The following CCDC170 variants were observed in gnomAD, a reference collection of about 807,000 sequenced individuals.
The protein encoded by CCDC170 is coiled-coil domain containing 170.
CCDC170 carries 69 observed loss-of-function variants against 72.6 expected under a neutral mutation model. The observed-to-expected ratio is 0.95, with a 90% CI of 0.78 to 1.16. The LOEUF (loss-of-function observed/expected upper bound fraction) is 1.16. Among genes scored for constraint, CCDC170 ranks in the 50% most tolerant of loss-of-function variants. The probability of loss-of-function intolerance (pLI) is 0.00; values close to 1 mark genes in which losing one functional copy is unlikely to be tolerated. For missense variants in CCDC170, 852 were observed against 832.5 expected (o/e 1.02, Z -0.29); for synonymous variants, 300 against 303.9 (o/e 0.99, Z 0.13).
chr6:151,529,549 C>T (rs970095961), intron 1 of CCDC170, among the ~76,000 whole-genome samples: 3 of 151,786 alleles, frequency 2.0e-5, no homozygotes, highest in African/African-American at 7.3e-5. Flanking sequence ...CTCAGCTACT[C>T]GGGAGGCTGA....
At chr6:151,547,755 A>C (rs1782800159) in intron 4 of CCDC170, among the ~76,000 whole-genome samples, 1 of 152,152 alleles carries the variant, frequency 6.6e-6, no homozygotes, top group Non-Finnish European at 1.5e-5. Flanking sequence ...AAATCTTATA[A>C]ATGCTCCCAG....
chr6:151,515,938 T>A lies in CCDC170; in HGVS notation c.58-20380T>A, dbSNP rs1345871929. Among the ~76,000 whole-genome samples the A allele has an allele frequency of 6.6e-5, 10 of 152,078 alleles. No individual in the cohort carries two copies. The South Asian group carries it at 2.1e-3, about 32-fold the overall frequency. ...AAAATTAGCTGGGTGTGGTGGCACA[T>A]GCCTGTAGTCCCAGCTACTCGGGAG... On this transcript the variant is annotated intron_variant, in intron 1 of 10. Coordinates refer to ENST00000239374, the MANE Select transcript of CCDC170 (RefSeq NM_025059.4).
chr6:151,519,078 C>T (rs115409654), intron 1 of CCDC170, among the ~76,000 whole-genome samples: 264 of 152,262 alleles, frequency 1.7e-3, no homozygotes, highest in African/African-American at 6.0e-3. Context: ...AGCAGAGAAT[C>T]GGTCTGACCT....
chr6:151,507,595 T>G (rs976225095), intron 1 of CCDC170, among the ~76,000 whole-genome samples: 2 of 152,088 alleles, frequency 1.3e-5, no homozygotes, highest in Non-Finnish European at 2.9e-5. Context: ...TGTAGGGAGA[T>G]GAAACTGTGT....
At chr6:151,599,265 G>A (rs1562295955) in intron 9 of CCDC170, among the ~76,000 whole-genome samples, 1 of 152,290 alleles carries the variant, frequency 6.6e-6, no homozygotes, top group East Asian at 1.9e-4. Flanking sequence ...ACAAGGATAT[G>A]GCAAAATCAG....
chr6:151,541,806 G>A (rs1194703125), intron 3 of CCDC170, among the ~76,000 whole-genome samples: 2 of 145,314 alleles, frequency 1.4e-5, no homozygotes, highest in Non-Finnish European at 3.0e-5. Context: ...TGAATCATAT[G>A]TTCTAAATAT....
At chr6:151,522,235 A>G (rs996697265) in intron 1 of CCDC170, among the ~76,000 whole-genome samples, 3 of 152,212 alleles carry the variant, frequency 2.0e-5, no homozygotes, top group Admixed American at 2.0e-4. Context: ...AAGATTAACA[A>G]TCCTTTATTG....
chr6:151,527,050 A>AC (rs373244644), intron 1 of CCDC170, among the ~76,000 whole-genome samples: 1 of 69,682 alleles, frequency 1.4e-5, no homozygotes, highest in Non-Finnish European at 2.7e-5. Context: ...ATGCTTAGCT[A>AC]TTTTTTTTTT....
chr6:151,570,539 T>C (rs553485111), intron 5 of CCDC170, among the ~76,000 whole-genome samples: 85 of 152,364 alleles, frequency 5.6e-4, no homozygotes, highest in African/African-American at 1.9e-3. Context: ...CTAGAGATGA[T>C]TTAAAGTATA....
intron 5 of CCDC170, among the ~76,000 whole-genome samples, chr6:151,549,080 T>C (rs1424857733): frequency 6.6e-6 from 1 of 152,074 alleles, no homozygotes; most frequent in Non-Finnish European, 1.5e-5. Flanking sequence ...TGTTTTTTTG[T>C]ATTTTTAGTA....
At chr6:151,523,856 G>T (rs1782362164) in intron 1 of CCDC170, among the ~76,000 whole-genome samples, 1 of 152,200 alleles carries the variant, frequency 6.6e-6, no homozygotes, top group Non-Finnish European at 1.5e-5. Flanking sequence ...CTGTGTTACA[G>T]ACTGGCCAAT....
chr6:151,601,624 A>T (rs1430519002), intron 9 of CCDC170, among the ~76,000 whole-genome samples: 1 of 152,112 alleles, frequency 6.6e-6, no homozygotes, highest in African/African-American at 2.4e-5. Context: ...ATATAGAGAG[A>T]TTTATTTTAA....
At chr6:151,591,166 G>A (rs1018757737) in intron 7 of CCDC170, among the ~76,000 whole-genome samples, 2 of 152,174 alleles carry the variant, frequency 1.3e-5, no homozygotes, top group Non-Finnish European at 2.9e-5. Flanking sequence ...TTAATCTGGT[G>A]TGCTTCAGTT....
intron 7 of CCDC170, among the ~76,000 whole-genome samples, chr6:151,589,855 C>T (rs910900752): frequency 1.3e-5 from 2 of 152,172 alleles, no homozygotes; most frequent in African/African-American, 4.8e-5. Context: ...TCTTCCCTCT[C>T]CCCTGCAATT....
intron 9 of CCDC170, 147 bp from the exon 10 acceptor site, chr6:151,615,296 C>T: frequency 1.5e-6 from 1 of 689,170 alleles, no homozygotes; most frequent in Non-Finnish European, 2.6e-6. Context: ...ATATGCTTAG[C>T]AAAATCTCTA....
At chr6:151,579,016 C>T (rs548105781) in intron 6 of CCDC170, among the ~76,000 whole-genome samples, 2 of 152,096 alleles carry the variant, frequency 1.3e-5, no homozygotes, top group African/African-American at 4.8e-5. Context: ...TATTCTTTAA[C>T]TATATTGTGC....
At chr6:151,605,582 A>G (rs1348076951) in intron 9 of CCDC170, among the ~76,000 whole-genome samples, 1 of 152,206 alleles carries the variant, frequency 6.6e-6, no homozygotes, top group Non-Finnish European at 1.5e-5. Context: ...TCCTCTTACC[A>G]GGGAACTTAA....
chr6:151,498,725 T>C (rs1014784822), intron 1 of CCDC170, among the ~76,000 whole-genome samples: 1 of 152,040 alleles, frequency 6.6e-6, no homozygotes, highest in Non-Finnish European at 1.5e-5. Flanking sequence ...CTAGGCACGG[T>C]GTATAAGTGG....
chr6:151,535,295 A>G (rs1782557716), intron 1 of CCDC170, among the ~76,000 whole-genome samples: 1 of 152,160 alleles, frequency 6.6e-6, no homozygotes, highest in South Asian at 2.1e-4. Context: ...CAGGCTGGAA[A>G]TCCTTATTTC....
Sources: gnomAD v4.1 joint callset for allele counts (sites outside exome capture counted in the v4.1 genomes callset) on GRCh38, gnomAD v4.1.1 for gene constraint, MANE v1.5 for transcripts, NCBI Gene and HGNC (gene_info 2026-07-23, HGNC 2026-07-21) for gene names.